KCNK17: variants seen among roughly 807,000 people sequenced by gnomAD.
KCNK17 encodes potassium two pore domain channel subfamily K member 17.
KCNK17 carries 27 observed loss-of-function variants against 24.6 expected under a neutral mutation model. That is an observed-to-expected ratio of 1.10 (90% CI 0.81 to 1.51). The LOEUF (loss-of-function observed/expected upper bound fraction) is 1.51. KCNK17 is among the 40% of genes most tolerant of loss of function. The pLI is 0.00. For missense variants in KCNK17, 450 were observed against 436.6 expected (o/e 1.03, Z -0.27); for synonymous variants, 181 against 189.8 (o/e 0.95, Z 0.38).
At chr6:39,303,814 C>T (rs576740336) in intron 4 of KCNK17, 143 bp downstream of exon 4, 461 of 895,110 alleles carry the variant, frequency 5.2e-4, no homozygotes, top group Non-Finnish European at 5.5e-4. Flanking sequence ...ACAACAAAAG[C>T]GGGTAGGACA....
At chr6:39,310,854 T>TCCCCCAC in intron 2 of KCNK17, 39 bp downstream of exon 2, 7 of 1,084,924 alleles carry the variant, frequency 6.5e-6, no homozygotes, top group Non-Finnish European at 9.3e-6. Context: ...GCTGCCTCCT[T>TCCCCCAC]CCCCCACCCC....
chr6:39,304,344 A>G, intron 3 of KCNK17, 151 bp downstream of exon 3: 2 of 801,532 alleles, frequency 2.5e-6, no homozygotes, highest in East Asian at 2.7e-5. Flanking sequence ...CTTTTTCACT[A>G]AGGACCCTAT....
At chr6:39,310,373 G>A (rs1437553303) in intron 2 of KCNK17, among the ~76,000 whole-genome samples, 1 of 152,098 alleles carries the variant, frequency 6.6e-6, no homozygotes, top group Non-Finnish European at 1.5e-5. Context: ...AGAGAGGACT[G>A]TGGGAATGGG....
intron 4 of KCNK17, among the ~76,000 whole-genome samples, chr6:39,301,339 C>T (rs1761948009): frequency 6.6e-6 from 1 of 152,246 alleles, no homozygotes; most frequent in Non-Finnish European, 1.5e-5. Context: ...CCTCTGTCTA[C>T]TCCTCATCCT....
intron 2 of KCNK17, among the ~76,000 whole-genome samples, chr6:39,310,434 A>C (rs1386256109): frequency 6.6e-6 from 1 of 151,798 alleles, no homozygotes; most frequent in African/African-American, 2.4e-5. Flanking sequence ...AGGGCTGAGA[A>C]ACGGGGGGTC....
Position 39,314,390 on chromosome 6 carries a change from TC to T in KCNK17, c.-71del. The T allele has an allele frequency of 8.7e-7, 1 of 1,145,696 alleles. No homozygotes were observed. 71.0% of individuals were successfully genotyped at this position (1,145,696 alleles called of 1,614,324 possible). The stretch of plus-strand genomic sequence containing the variant: ...CCCGGTGGGAGGGAAGGGCCAGGCG[TC>T]CAGCTCGTATCTCCTCTCGCAAACG... On this transcript the variant is annotated 5_prime_UTR_variant, in exon 1 of 5. Coordinates refer to ENST00000373231, the MANE Select transcript of KCNK17 (RefSeq NM_031460.4).
intron 2 of KCNK17, among the ~76,000 whole-genome samples, chr6:39,310,362 AAG>A (rs944146147): frequency 2.6e-5 from 4 of 151,942 alleles, no homozygotes; most frequent in African/African-American, 7.3e-5. Context: ...TTGCAAGCTG[AAG>A]AGAGGACTGT....
chr6:39,310,603 C>A (rs932817432), intron 2 of KCNK17, among the ~76,000 whole-genome samples: 3 of 152,112 alleles, frequency 2.0e-5, no homozygotes, highest in Non-Finnish European at 4.4e-5. Flanking sequence ...ACTGGGAGAC[C>A]TCTGCTTCCT....
chr6:39,303,764 C>T (rs113127714), intron 4 of KCNK17, among the ~76,000 whole-genome samples, 193 bp downstream of exon 4: 4 of 152,310 alleles, frequency 2.6e-5, no homozygotes, highest in African/African-American at 9.6e-5. Context: ...GACCTCTCCG[C>T]GTTGGTCAAG....
At position 39,310,872 on chromosome 6, in the gene KCNK17, CT is replaced by C. The variant is rs1482195835; in HGVS notation, c.352+20del. ...GCCTCCTTCCCCCACCCCCATCCCC[CT>C]GGCCCCATCTGGCCCTTACCAATGG... On this transcript the variant is annotated intron_variant, in intron 2 of 4. Transcript: ENST00000373231. 8.2e-5 allele frequency: 118 copies of C among 1,442,034 alleles called. No homozygotes were observed. Among genetic ancestry groups the C allele is most frequent in the Middle Eastern group, 1.9e-4 (1 of 5,352 alleles). 89.3% of individuals were successfully genotyped at this position (1,442,034 alleles called of 1,614,324 possible). A position where few individuals can be genotyped will look rare whatever the true frequency, so the allele number is the denominator to read the frequency against.
chr6:39,300,430 CTGTATT>C (rs757550970), intron 4 of KCNK17: 5 of 1,497,192 alleles, frequency 3.3e-6, no homozygotes, highest in Non-Finnish European at 3.6e-6. Context: ...GGCCAGAAAT[CTGTATT>C]TTAACAAGCC....
At chr6:39,310,390 A>C (rs1041196991) in intron 2 of KCNK17, among the ~76,000 whole-genome samples, 1 of 151,896 alleles carries the variant, frequency 6.6e-6, no homozygotes, top group Non-Finnish European at 1.5e-5. Flanking sequence ...TGGGGTCTGG[A>C]GACAAGGACA....
intron 1 of KCNK17, among the ~76,000 whole-genome samples, chr6:39,313,803 C>T (rs1373454813): frequency 6.6e-6 from 1 of 152,120 alleles, no homozygotes; most frequent in Non-Finnish European, 1.5e-5. Flanking sequence ...CATCTGCCTC[C>T]TCACCGGGCC....
chr6:39,308,247 C>T (rs1463962466), intron 2 of KCNK17, among the ~76,000 whole-genome samples: 3 of 152,180 alleles, frequency 2.0e-5, no homozygotes, highest in African/African-American at 7.2e-5. Flanking sequence ...ACACTAGGTA[C>T]ATATGTATGT....
At chr6:39,313,244 G>A (rs1182728431) in intron 1 of KCNK17, among the ~76,000 whole-genome samples, 1 of 152,192 alleles carries the variant, frequency 6.6e-6, no homozygotes, top group African/African-American at 2.4e-5. Flanking sequence ...CCTCCGCCCT[G>A]CTAGGCCCCA....
At position 39,304,556 on chromosome 6, in the gene KCNK17, A is replaced by T; in HGVS notation, c.452T>A (p.Leu151Gln). The T allele has an allele frequency of 1.9e-6, 3 of 1,614,108 alleles. No individual in the cohort carries two copies. The highest frequency in any genetic ancestry group is 2.5e-6 in the Non-Finnish European group (3 of 1,179,994). ...TACTCCCTGCTGCATGAGATGCCCC[A>T]GTCGGTTGAGCACCACGAGGTTGAG... is the stretch of plus-strand genomic sequence containing the variant. Reference protein sequence around the residue: ...IPLNLVVLNRLGHLMQQGVNH... With the variant: ...IPLNLVVLNRQGHLMQQGVNH... The change falls in exon 3 of 5, where the codon CTG becomes CAG. Residue 151 changes from leucine (L) to glutamine (Q), a missense_variant. By Grantham distance (113) the Leu-to-Gln change is moderately radical. Coordinates refer to ENST00000373231, the MANE Select transcript of KCNK17 (RefSeq NM_031460.4).
intron 2 of KCNK17, among the ~76,000 whole-genome samples, chr6:39,305,309 T>G (rs928051590): frequency 2.6e-5 from 4 of 152,232 alleles, no homozygotes; most frequent in Non-Finnish European, 5.9e-5. Context: ...CTTTTGACAT[T>G]AATTCCTGCT....
chr6:39,314,313 C>A lies in KCNK17; in HGVS notation c.8G>T (p.Arg3Leu). Residue 3 changes from arginine (R) to leucine (L), a missense_variant, in exon 1 of 5, where the codon CGA becomes CTA. Transcript: ENST00000373231. MY[R>L]PRARAAPEGR... The stretch of plus-strand genomic sequence containing the variant: ...CTCGGGAGCCGCCCGGGCTCGCGGT[C>A]GGTACATAGCGGGAGAGGCGGGGAG... 1 of 1,419,310 alleles carries A rather than the reference C, an allele frequency of 7.0e-7. No individual in the cohort carries two copies. Among genetic ancestry groups the A allele is most frequent in the South Asian group, 1.5e-5 (1 of 66,576 alleles). 87.9% of individuals were successfully genotyped at this position (1,419,310 alleles called of 1,614,324 possible).
chr6:39,312,025 G>C (rs539037734), intron 1 of KCNK17, among the ~76,000 whole-genome samples: 1 of 152,298 alleles, frequency 6.6e-6, no homozygotes, highest in African/African-American at 2.4e-5. Context: ...CCAGAGGGGA[G>C]AGACTCCTGC....
Sources: allele counts gnomAD v4.1 joint callset (sites outside exome capture counted in the v4.1 genomes callset), GRCh38; gene constraint gnomAD v4.1.1; transcripts MANE v1.5; gene names NCBI Gene and HGNC (gene_info 2026-07-23, HGNC 2026-07-21).